The following LCMT1 variants were observed in gnomAD, a reference collection of about 807,000 sequenced individuals.
LCMT1 encodes the protein [Phosphatase 2A protein]-leucine-carboxy methyltransferase 1.
A neutral mutation model predicts 47.7 loss-of-function variants in LCMT1; 32 were observed. That is an observed-to-expected ratio of 0.67 (90% confidence interval 0.51 to 0.90). LCMT1 has a LOEUF of 0.90. LCMT1 is among the 40% of genes least tolerant of loss of function. LCMT1 has a pLI of 0.00. For missense variants in LCMT1, 375 were observed against 415.2 expected (o/e 0.90, Z 0.84); for synonymous variants, 152 against 149.7 (o/e 1.02, Z -0.11).
At chr16:25,143,855 T>G (rs540962223) in intron 4 of LCMT1, 4 of 152,260 alleles carry the variant, frequency 2.6e-5, no homozygotes, top group African/African-American at 9.6e-5. Flanking sequence ...TTAGTAACTT[T>G]CAACTGGTCA....
intron 4 of LCMT1, among the ~76,000 whole-genome samples, chr16:25,149,260 T>C (rs1485259992): frequency 2.0e-5 from 3 of 152,210 alleles, no homozygotes; most frequent in Non-Finnish European, 4.4e-5. Flanking sequence ...TTTTTAAAGC[T>C]CATCAGCTAT....
intron 8 of LCMT1, 119 bp from the exon 9 acceptor site, chr16:25,170,595 A>G (rs1181697887): frequency 1.7e-5 from 13 of 761,740 alleles, no homozygotes; most frequent in Non-Finnish European, 2.9e-5. Flanking sequence ...ACACCACTGC[A>G]CTTCAGCCTG....
intron 1 of LCMT1, among the ~76,000 whole-genome samples, chr16:25,126,791 G>C (rs1960205986): frequency 6.6e-6 from 1 of 152,198 alleles, no homozygotes; most frequent in South Asian, 2.1e-4. Flanking sequence ...CTTCCTTGGG[G>C]AACTAGTAGT....
chr16:25,129,021 C>G (rs1244414442), intron 2 of LCMT1, among the ~76,000 whole-genome samples: 1 of 149,198 alleles, frequency 6.7e-6, no homozygotes, highest in African/African-American at 2.5e-5. Flanking sequence ...ATGTTCCCCT[C>G]TCTGTGTCAT....
At position 25,170,645 on chromosome 16, in the gene LCMT1, T is replaced by C. The variant is rs926256935; in HGVS notation, c.793-69T>C. On this transcript the variant is annotated intron_variant, in intron 8 of 10. Coordinates refer to ENST00000399069, the MANE Select transcript of LCMT1 (RefSeq NM_016309.3). ...ACCTTGTCTCTTTAAAACAAAACAGTGTCTTAGATTTGTAAGCCGGTGCCT... is the reference window on the plus strand; with the variant it reads ...ACCTTGTCTCTTTAAAACAAAACAGCGTCTTAGATTTGTAAGCCGGTGCCT... 1.1e-5 allele frequency: 13 copies of C among 1,189,434 alleles called. No homozygotes were observed. In the East Asian group the frequency reaches 1.9e-4, roughly 17 times the overall value. The allele number at this position is 1,189,434 out of a possible 1,614,324, so 73.7% of individuals were successfully genotyped here. A position where few individuals can be genotyped will look rare whatever the true frequency, so the allele number is the denominator to read the frequency against.
At chr16:25,118,561 A>C (rs559793560) in intron 1 of LCMT1, among the ~76,000 whole-genome samples, 1 of 152,102 alleles carries the variant, frequency 6.6e-6, no homozygotes, top group Non-Finnish European at 1.5e-5. Flanking sequence ...GAAACAAATC[A>C]GCACAATATG....
At chr16:25,146,345 C>T (rs1960852363) in intron 4 of LCMT1, 1 of 152,534 alleles carries the variant, frequency 6.6e-6, no homozygotes, top group South Asian at 2.1e-4. Flanking sequence ...GTATCAATCT[C>T]ATCTGAAAGC....
chr16:25,125,655 A>C (rs1166657217), intron 1 of LCMT1, among the ~76,000 whole-genome samples: 1 of 151,910 alleles, frequency 6.6e-6, no homozygotes, highest in East Asian at 1.9e-4. Context: ...AAGGTGGTGA[A>C]ACCCCGTCTC....
At position 25,169,106 on chromosome 16, in the gene LCMT1, TC is replaced by T; in HGVS notation, c.691-4del. ...AGTAATATCTTACCTTCTCTTTCCC[TC>T]CTAGGTGAACATGGGTGATCGGTTT... On this transcript the variant is annotated splice_polypyrimidine_tract_variant and splice_region_variant and intron_variant, in intron 7 of 10. Transcript: ENST00000399069. 1 of 1,600,850 alleles carries T rather than the reference TC, an allele frequency of 6.2e-7. No individual in the cohort carries two copies. Among genetic ancestry groups the T allele is most frequent in the Non-Finnish European group, 8.6e-7 (1 of 1,168,548 alleles).
chr16:25,160,559 C>T (rs1961395934), intron 5 of LCMT1, among the ~76,000 whole-genome samples: 1 of 152,180 alleles, frequency 6.6e-6, no homozygotes, highest in South Asian at 2.1e-4. Flanking sequence ...TCTCTTAATT[C>T]CACTCATACT....
chr16:25,119,793 G>T (rs745441143), intron 1 of LCMT1, among the ~76,000 whole-genome samples: 23 of 152,054 alleles, frequency 1.5e-4, no homozygotes, highest in Non-Finnish European at 3.1e-4. Flanking sequence ...CAAGGCAGGT[G>T]CTGCTTTCCA....
chr16:25,177,206 G>A (rs1439700810), intron 10 of LCMT1, among the ~76,000 whole-genome samples: 1 of 151,792 alleles, frequency 6.6e-6, no homozygotes, highest in Admixed American at 6.6e-5. Context: ...TCACTTATTG[G>A]GGTATTTGTA....
rs752664888 is a variant in LCMT1 at position 25,132,424 on chromosome 16, T to C, written c.228T>C (p.Gly76=). The C allele has an allele frequency of 6.2e-7, 1 of 1,613,758 alleles. No homozygotes were observed. Among genetic ancestry groups the C allele is most frequent in the Non-Finnish European group, 8.5e-7 (1 of 1,179,788 alleles). Residue 76 remains glycine (G), a synonymous_variant, in exon 3 of 11, where the codon GGT becomes GGC. Transcript: ENST00000399069. The part of the protein sequence containing the change: ...INRGYFARVH[G]VSQLIKAFLR... Reference sequence around the variant, plus strand: ...TAGGATATTTTGCTCGAGTCCATGGTGTCAGTCAGCTTATAAAGGCATTTC... The same window carrying C: ...TAGGATATTTTGCTCGAGTCCATGGCGTCAGTCAGCTTATAAAGGCATTTC...
intron 6 of LCMT1, 130 bp downstream of exon 6, chr16:25,161,334 G>A: frequency 3.8e-6 from 2 of 522,140 alleles, no homozygotes; most frequent in Non-Finnish European, 6.7e-6. Context: ...TCATTTCATT[G>A]CTACCTAGTT....
chr16:25,156,940 C>CTTT (rs5816285), intron 5 of LCMT1, among the ~76,000 whole-genome samples: 2 of 130,002 alleles, frequency 1.5e-5, no homozygotes, highest in African/African-American at 5.7e-5. Flanking sequence ...TCCATTTTAC[C>CTTT]TTTTTTTTTT....
At chr16:25,131,572 T>G (rs1960349591) in intron 2 of LCMT1, among the ~76,000 whole-genome samples, 1 of 152,266 alleles carries the variant, frequency 6.6e-6, no homozygotes, top group Admixed American at 6.5e-5. Flanking sequence ...TAATAAAGTT[T>G]CTAAATGCTA....
At chr16:25,124,673 T>C (rs1960104901) in intron 1 of LCMT1, among the ~76,000 whole-genome samples, 1 of 152,150 alleles carries the variant, frequency 6.6e-6, no homozygotes, top group Non-Finnish European at 1.5e-5. Flanking sequence ...GATGAGGAAA[T>C]GCCTGTTGGA....
intron 9 of LCMT1, among the ~76,000 whole-genome samples, chr16:25,173,089 A>G (rs540526567): frequency 9.2e-5 from 14 of 152,222 alleles, no homozygotes; most frequent in Non-Finnish European, 1.5e-4. Flanking sequence ...CGTAGTTTGT[A>G]TCTGCTTTTG....
At chr16:25,115,937 C>G (rs1959771497) in intron 1 of LCMT1, among the ~76,000 whole-genome samples, 4 of 152,210 alleles carry the variant, frequency 2.6e-5, no homozygotes. Flanking sequence ...CTCAGCCCCT[C>G]AAAGTGCTGG....
Sources: allele counts gnomAD v4.1 joint callset (sites outside exome capture counted in the v4.1 genomes callset), GRCh38; gene constraint gnomAD v4.1.1; transcripts MANE v1.5; gene names NCBI Gene and HGNC (gene_info 2026-07-23, HGNC 2026-07-21).